The following TMEM45A variants were observed in gnomAD, a reference collection of about 807,000 sequenced individuals.
TMEM45A encodes DNA polymerase-transactivated protein 4.
A neutral mutation model predicts 32.0 loss-of-function variants in TMEM45A; 25 were observed. The observed-to-expected ratio is 0.78, with a 90% confidence interval of 0.57 to 1.09. The LOEUF is 1.09. Ranked by LOEUF, TMEM45A falls within the 50% of genes least tolerant of loss-of-function variation. The pLI, the probability that TMEM45A is intolerant of heterozygous loss-of-function variation, is 0.00. For missense variants in TMEM45A, 302 were observed against 325.0 expected (o/e 0.93, Z 0.54); for synonymous variants, 122 against 114.8 (o/e 1.06, Z -0.40).
intron 1 of TMEM45A, among the ~76,000 whole-genome samples, chr3:100,540,844 AC>A (rs1316374129): frequency 6.6e-6 from 1 of 152,204 alleles, no homozygotes; most frequent in Non-Finnish European, 1.5e-5. Context: ...TTGGGTATAT[AC>A]CCAGTAATGG....
chr3:100,569,299 A>G (rs1465413152), intron 5 of TMEM45A, among the ~76,000 whole-genome samples: 1 of 152,148 alleles, frequency 6.6e-6, no homozygotes, highest in Non-Finnish European at 1.5e-5. Flanking sequence ...GCCTATAGTG[A>G]GTCCTCCATT....
At position 100,503,769 on chromosome 3, in the gene TMEM45A, C is replaced by T. The variant is rs76544789; in HGVS notation, c.-4+10841C>T. Among the ~76,000 whole-genome samples the T allele has an allele frequency of 2.0e-3, 307 of 152,268 alleles. 1 individual carries two copies. The highest frequency in any genetic ancestry group is 7.1e-3 in the African/African-American group (296 of 41,546). ...CTCAGGCTTCTTCTTGTTTTACCCT[C>T]ATGGACAACTTGTCGGGAAGAGGCT... On this transcript the variant is annotated intron_variant, in intron 1 of 5. Transcript: ENST00000323523.
rs139292343 is a variant in TMEM45A at position 100,508,947 on chromosome 3, C to T, written c.-4+16019C>T. Among the ~76,000 whole-genome samples, 281 of 152,100 alleles carry T rather than the reference C, an allele frequency of 1.8e-3. 1 individual carries two copies. Among genetic ancestry groups the T allele is most frequent in the African/African-American group, 6.4e-3 (267 of 41,488 alleles). On this transcript the variant is annotated intron_variant, in intron 1 of 5. Transcript: ENST00000323523. ...ATTAAGACCTCAAAAGCACACATAA[C>T]AAAAACAAAAATAGACAAGTGGGGT...
chr3:100,512,866 A>G (rs1376734349), intron 1 of TMEM45A, among the ~76,000 whole-genome samples: 5 of 152,132 alleles, frequency 3.3e-5, no homozygotes. Context: ...AATAAACTAG[A>G]AAATCTAGAA....
At chr3:100,564,639 G>A (rs748683963) in intron 4 of TMEM45A, among the ~76,000 whole-genome samples, 1 of 151,982 alleles carries the variant, frequency 6.6e-6, no homozygotes, top group African/African-American at 2.4e-5. Context: ...CATGCCACCA[G>A]GCCTAGCTAA....
chr3:100,545,992 T>C (rs1705971917), intron 1 of TMEM45A, among the ~76,000 whole-genome samples: 2 of 152,192 alleles, frequency 1.3e-5, no homozygotes, highest in African/African-American at 2.4e-5. Context: ...TCTAATCACA[T>C]GAGTTCTCAA....
chr3:100,495,427 T>A (rs1707910400), intron 1 of TMEM45A, among the ~76,000 whole-genome samples: 1 of 152,164 alleles, frequency 6.6e-6, no homozygotes, highest in South Asian at 2.1e-4. Context: ...AGTGAGGAGC[T>A]ATCCTGTGGA....
At chr3:100,548,537 C>T (rs181554264) in intron 1 of TMEM45A, among the ~76,000 whole-genome samples, 112 of 152,166 alleles carry the variant, frequency 7.4e-4, no homozygotes, top group Non-Finnish European at 1.4e-3. Context: ...CTGGTCACTG[C>T]GGGCTCCTCC....
At chr3:100,552,801 C>T (rs1254635484) in intron 1 of TMEM45A, among the ~76,000 whole-genome samples, 1 of 152,130 alleles carries the variant, frequency 6.6e-6, no homozygotes, top group Non-Finnish European at 1.5e-5. Context: ...GTATGTAAGG[C>T]AGTGGATAGC....
chr3:100,514,879 C>T (rs1349055675), intron 1 of TMEM45A, among the ~76,000 whole-genome samples: 2 of 149,072 alleles, frequency 1.3e-5, no homozygotes, highest in Non-Finnish European at 3.0e-5. Context: ...TGAAAAAATG[C>T]TCACCATCAC....
intron 1 of TMEM45A, among the ~76,000 whole-genome samples, chr3:100,546,210 C>G (rs1427331497): frequency 6.6e-6 from 1 of 152,158 alleles, no homozygotes; most frequent in Non-Finnish European, 1.5e-5. Context: ...TAGGTGGCAC[C>G]TTGGTTTTAG....
At chr3:100,535,157 G>A (rs368092114) in intron 1 of TMEM45A, among the ~76,000 whole-genome samples, 1 of 151,060 alleles carries the variant, frequency 6.6e-6, no homozygotes, top group African/African-American at 2.4e-5. Context: ...GTCTCACTCT[G>A]TCACCCAGGC....
chr3:100,555,034 A>T (rs1212573557), intron 1 of TMEM45A, among the ~76,000 whole-genome samples, 175 bp from the exon 2 acceptor site: 1 of 152,204 alleles, frequency 6.6e-6, no homozygotes, highest in Non-Finnish European at 1.5e-5. Flanking sequence ...TATTGGTATT[A>T]TGATATTGTA....
At chr3:100,557,113 T>G (rs1706237537) in intron 3 of TMEM45A, 141 bp downstream of exon 3, 2 of 983,462 alleles carry the variant, frequency 2.0e-6, no homozygotes, top group Non-Finnish European at 3.0e-6. Context: ...AATATTTGGG[T>G]GTCCTAGGCA....
chr3:100,568,956 T>G lies in TMEM45A; in HGVS notation c.723T>G (p.Ala241=), dbSNP rs200269240. The G allele has an allele frequency of 6.2e-7, 1 of 1,610,668 alleles. No homozygotes were observed. The highest frequency in any genetic ancestry group is 1.7e-5 in the Admixed American group (1 of 59,874). The change falls in exon 5 of 6, where the codon GCT becomes GCG. Residue 241 remains alanine, a synonymous_variant. Transcript: ENST00000323523. ...VTIVIVGMNY[A]FITWLVKSRL... ...TTGTCATCGTTGGAATGAATTATGCTTTCATTACCTGGTAAGTTAGCGATT... is the reference window on the plus strand; with the variant it reads ...TTGTCATCGTTGGAATGAATTATGCGTTCATTACCTGGTAAGTTAGCGATT...
intron 3 of TMEM45A, 43 bp from the exon 4 acceptor site, chr3:100,558,362 C>T (rs746901095): frequency 5.0e-6 from 8 of 1,607,938 alleles, no homozygotes; most frequent in South Asian, 4.4e-5. Context: ...AGTGGGTGGT[C>T]CTTGGTTCCA....
rs578158484 is a variant in TMEM45A at position 100,492,849 on chromosome 3, A to G, written c.-83A>G. The stretch of plus-strand genomic sequence containing the variant: ...TGGGATCAAAAGAACAGAAACAGCA[A>G]CAACAAAAGCCCAGCCGCTGTCTGA... On this transcript the variant is annotated 5_prime_UTR_variant, in exon 1 of 6. Coordinates refer to ENST00000323523, the MANE Select transcript of TMEM45A (RefSeq NM_018004.3). The G allele has an allele frequency of 6.6e-6, 1 of 151,876 alleles. No individual in the cohort carries two copies. The highest frequency in any genetic ancestry group is 1.5e-5 in the Non-Finnish European group (1 of 67,984). The allele number at this position is 151,876 out of a possible 1,614,324, so 9.4% of individuals were successfully genotyped here.
chr3:100,517,946 C>T (rs1195214951), intron 1 of TMEM45A, among the ~76,000 whole-genome samples: 1 of 152,170 alleles, frequency 6.6e-6, no homozygotes, highest in Non-Finnish European at 1.5e-5. Context: ...ACCTCCAAGC[C>T]ATCCACCATC....
At chr3:100,555,912 G>A (rs1041118976) in intron 2 of TMEM45A, among the ~76,000 whole-genome samples, 1 of 152,188 alleles carries the variant, frequency 6.6e-6, no homozygotes, top group Admixed American at 6.5e-5. Flanking sequence ...TAACAAATAA[G>A]GCAGTATCTG....
Sources: allele counts gnomAD v4.1 joint callset (sites outside exome capture counted in the v4.1 genomes callset), GRCh38; gene constraint gnomAD v4.1.1; transcripts MANE v1.5; gene names NCBI Gene and HGNC (gene_info 2026-07-23, HGNC 2026-07-21).